The following CEP68 variants were observed in gnomAD, a reference collection of about 807,000 sequenced individuals.
CEP68 encodes the protein centrosomal protein of 68 kDa.
In CEP68, 26 loss-of-function variants were observed where a neutral mutation model predicts 55.3. The ratio of observed to expected loss-of-function variants is 0.47; its 90% CI spans 0.34 to 0.65. The LOEUF (loss-of-function observed/expected upper bound fraction) is 0.65, where lower values mean the gene tolerates loss of function less well. Ranked by LOEUF, CEP68 falls within the 30% of genes least tolerant of loss-of-function variation. The pLI, the probability that CEP68 is intolerant of heterozygous loss-of-function variation, is 0.01. For missense variants in CEP68, 957 were observed against 946.7 expected, an observed-to-expected ratio of 1.01 and a Z score of -0.14; for synonymous variants, 402 against 383.2, an observed-to-expected ratio of 1.05 and a Z score of -0.57.
intron 3 of CEP68, 69 bp downstream of exon 3, chr2:65,073,049 C>A (rs114601326): frequency 2.2e-4 from 335 of 1,520,650 alleles, no homozygotes; most frequent in Non-Finnish European, 2.9e-4. Context: ...CCACTAACAT[C>A]ATAATAAAAC....
chr2:65,077,540 A>G (rs1175285944), intron 4 of CEP68, among the ~76,000 whole-genome samples: 1 of 152,194 alleles, frequency 6.6e-6, no homozygotes, highest in Non-Finnish European at 1.5e-5. Context: ...TGAGACTCCC[A>G]TAGCCCTGAA....
Position 65,072,165 on chromosome 2 carries a change from T to C in CEP68, c.1069T>C (p.Cys357Arg), listed in dbSNP as rs754877793. 5.0e-6 allele frequency: 8 copies of C among 1,612,372 alleles called. No homozygotes were observed. The East Asian group carries it at 1.3e-4, about 27-fold the overall frequency. The change falls in exon 3 of 7, where the codon TGC becomes CGC. Residue 357 changes from cysteine (C) to arginine (R), a missense_variant. Coordinates refer to ENST00000377990, the MANE Select transcript of CEP68 (RefSeq NM_015147.3). ...ATCACCTACTAATGTCTCCCCCAAC[T>C]GCCCACCAGCAGAGGCCACTGCCCT... ...LKSPTNVSPN[C>R]PPAEATALPF...
intron 6 of CEP68, among the ~76,000 whole-genome samples, chr2:65,083,352 A>G (rs1181837383): frequency 1.3e-5 from 2 of 152,256 alleles, no homozygotes; most frequent in Admixed American, 6.5e-5. Context: ...AGGAGCTAGG[A>G]GAGCAAAGGT....
At chr2:65,065,972 A>C (rs1047545993) in intron 1 of CEP68, among the ~76,000 whole-genome samples, 6 of 150,948 alleles carry the variant, frequency 4.0e-5, no homozygotes, top group Non-Finnish European at 8.8e-5. Context: ...AAAAAAAAAA[A>C]CACAAGATTA....
intron 5 of CEP68, among the ~76,000 whole-genome samples, chr2:65,080,827 T>C (rs1267835011): frequency 2.7e-5 from 4 of 150,742 alleles, no homozygotes; most frequent in Non-Finnish European, 5.9e-5. Flanking sequence ...TCAAAATAAA[T>C]AGATAAATAA....
At chr2:65,064,843 T>C (rs1167196928) in intron 1 of CEP68, among the ~76,000 whole-genome samples, 2 of 152,178 alleles carry the variant, frequency 1.3e-5, no homozygotes, top group East Asian at 3.8e-4. Flanking sequence ...GTTCCCCTAC[T>C]TATGAAAACA....
At chr2:65,068,196 G>A (rs555253343) in intron 1 of CEP68, among the ~76,000 whole-genome samples, 62 of 152,210 alleles carry the variant, frequency 4.1e-4, no homozygotes, top group African/African-American at 1.3e-3. Context: ...TCCCAGCATT[G>A]GTCTTCCTCC....
chr2:65,072,556 C>G lies in CEP68; in HGVS notation c.1460C>G (p.Ala487Gly). 1.2e-6 allele frequency: 2 copies of G among 1,614,120 alleles called. No homozygotes were observed. Among genetic ancestry groups the G allele is most frequent in the Non-Finnish European group, 1.7e-6 (2 of 1,180,012 alleles). The change falls in exon 3 of 7, where the codon GCT becomes GGT. Residue 487 changes from alanine (A) to glycine (G), a missense_variant. Transcript: ENST00000377990. ...GATGACGAGTATCTTGCCCTCCCCGCTCGGCTGACACAGGTTTCTAGCCTG... is the reference window on the plus strand; with the variant it reads ...GATGACGAGTATCTTGCCCTCCCCGGTCGGCTGACACAGGTTTCTAGCCTG... ...ESDDEYLALPARLTQVSSLVS... is the reference protein window; with the variant it reads ...ESDDEYLALPGRLTQVSSLVS...
rs1285154101 is a variant in CEP68 at position 65,082,729 on chromosome 2, AAG to A, written c.*4+22_*4+23del. 32 of 1,522,802 alleles carry A rather than the reference AAG, an allele frequency of 2.1e-5. No homozygotes were observed. Among genetic ancestry groups the A allele is most frequent in the Non-Finnish European group, 2.8e-5 (32 of 1,140,334 alleles). 94.3% of individuals were successfully genotyped at this position (1,522,802 alleles called of 1,614,324 possible). On this transcript the variant is annotated intron_variant, in intron 6 of 6. Coordinates refer to ENST00000377990, the MANE Select transcript of CEP68 (RefSeq NM_015147.3). ...AACCTGGTAAGTGGAGGAACTCAAAAAGAAAATTTGCCCACCAACCCTGCTGT... is the reference window on the plus strand; with the variant it reads ...AACCTGGTAAGTGGAGGAACTCAAAAAAAATTTGCCCACCAACCCTGCTGT...
chr2:65,071,448 T>C lies in CEP68; in HGVS notation c.358-6T>C, dbSNP rs1471833971. ...CAAGTGCTTTTTGTCCCTTTGATCA[T>C]TGCAGGTGGAGAAGACCAAGCTTTC... On this transcript the variant is annotated splice_polypyrimidine_tract_variant and splice_region_variant and intron_variant, in intron 2 of 6. Transcript: ENST00000377990. The C allele has an allele frequency of 6.2e-7, 1 of 1,611,528 alleles. No individual in the cohort carries two copies.
chr2:65,069,943 T>C (rs956657236), intron 2 of CEP68, 142 bp downstream of exon 2: 5 of 816,972 alleles, frequency 6.1e-6, no homozygotes, highest in South Asian at 3.3e-5. Flanking sequence ...GATTTCTGTT[T>C]TGCGGGTTCA....
intron 4 of CEP68, 58 bp from the exon 5 acceptor site, chr2:65,077,810 C>T (rs1676832324): frequency 3.0e-6 from 4 of 1,322,706 alleles, no homozygotes; most frequent in African/African-American, 1.5e-5. Flanking sequence ...TTTCAAATAA[C>T]GTTTACAAAA....
At chr2:65,081,691 ATTT>A (rs765419464) in intron 5 of CEP68, among the ~76,000 whole-genome samples, 1 of 150,198 alleles carries the variant, frequency 6.7e-6, no homozygotes, top group Non-Finnish European at 1.5e-5. Context: ...CTTTCGGGTC[ATTT>A]TTTTGTTTTG....
intron 6 of CEP68, 69 bp from the exon 7 acceptor site, chr2:65,083,570 G>A (rs1179228317): frequency 6.6e-6 from 1 of 152,168 alleles, no homozygotes; most frequent in African/African-American, 2.4e-5. Context: ...ATGAATGCAG[G>A]GGACTGCTGT....
intron 1 of CEP68, among the ~76,000 whole-genome samples, chr2:65,058,061 A>G (rs1284101003): frequency 5.9e-5 from 9 of 152,218 alleles, no homozygotes; most frequent in Admixed American, 2.6e-4. Flanking sequence ...TGCCTAATAT[A>G]GTTCCTGGCA....
At chr2:65,079,078 C>G (rs1198892325) in intron 5 of CEP68, among the ~76,000 whole-genome samples, 1 of 152,226 alleles carries the variant, frequency 6.6e-6, no homozygotes, top group African/African-American at 2.4e-5. Context: ...CAAGTGCTGA[C>G]AGCCTGCCTA....
chr2:65,056,686 C>T (rs1294398523), intron 1 of CEP68, among the ~76,000 whole-genome samples, 158 bp downstream of exon 1: 4 of 152,030 alleles, frequency 2.6e-5, no homozygotes, highest in African/African-American at 4.8e-5. Context: ...CTCGCGTCCC[C>T]GCCGGCAAGG....
rs1023389015 is a variant in CEP68 at position 65,082,594 on chromosome 2, A to C, written c.2163A>C (p.Ala721=). 1 of 1,609,466 alleles carries C rather than the reference A, an allele frequency of 6.2e-7. No individual in the cohort carries two copies. The highest frequency in any genetic ancestry group is 8.5e-7 in the Non-Finnish European group (1 of 1,178,298). Reference sequence around the variant, plus strand: ...AGTCTGGTGAGCTGGAGAGCCACGCAGATCGCCTGTATGACTCTATCTTGG... The same window carrying C: ...AGTCTGGTGAGCTGGAGAGCCACGCCGATCGCCTGTATGACTCTATCTTGG... ...AKQSGELESH[A]DRLYDSILAS... The change falls in exon 6 of 7, where the codon GCA becomes GCC. Residue 721 remains alanine, a synonymous_variant. Coordinates refer to ENST00000377990, the MANE Select transcript of CEP68 (RefSeq NM_015147.3).
At chr2:65,075,749 A>G (rs1676729483) in intron 4 of CEP68, among the ~76,000 whole-genome samples, 1 of 152,194 alleles carries the variant, frequency 6.6e-6, no homozygotes, top group Non-Finnish European at 1.5e-5. Context: ...AGGGATATCC[A>G]TGGTCTGAGC....
Sources: gnomAD v4.1 joint callset for allele counts (sites outside exome capture counted in the v4.1 genomes callset) on GRCh38, gnomAD v4.1.1 for gene constraint, MANE v1.5 for transcripts, NCBI Gene and HGNC (gene_info 2026-07-23, HGNC 2026-07-21) for gene names.